The following SPECC1 variants were observed in gnomAD, a reference collection of about 807,000 sequenced individuals.
SPECC1 encodes the protein sperm antigen with calponin homology and coiled-coil domains 1.
In SPECC1, 62 loss-of-function variants were observed where a neutral mutation model predicts 104.1. The observed-to-expected ratio is 0.60, with a 90% CI of 0.49 to 0.74. SPECC1 has a LOEUF of 0.74. SPECC1 is among the 30% of genes least tolerant of loss of function. The pLI is 0.00. For synonymous variants in SPECC1, 513 were observed against 501.6 expected, an observed-to-expected ratio of 1.02 and a Z score of -0.30; for missense variants, 1,306 against 1,310.5, an observed-to-expected ratio of 1.00 and a Z score of 0.05.
At chr17:20,113,829 C>T (rs1229758956) in intron 3 of SPECC1, among the ~76,000 whole-genome samples, 2 of 152,226 alleles carry the variant, frequency 1.3e-5, no homozygotes, top group African/African-American at 2.4e-5. Context: ...ATACAATCAG[C>T]ACAAGCATAG....
At chr17:20,112,995 T>G in intron 3 of SPECC1, 1 of 983,698 alleles carries the variant, frequency 1.0e-6, no homozygotes, top group Non-Finnish European at 1.6e-6. Context: ...AGATGAGAAT[T>G]TTAGGGGCTG....
chr17:20,158,751 C>A (rs1165306535), intron 3 of SPECC1, among the ~76,000 whole-genome samples: 1 of 152,094 alleles, frequency 6.6e-6, no homozygotes, highest in African/African-American at 2.4e-5. Context: ...ATGGCAAGTT[C>A]GGTTTTTTTT....
chr17:20,081,347 C>T (rs2046966630), intron 1 of SPECC1, among the ~76,000 whole-genome samples: 1 of 152,120 alleles, frequency 6.6e-6, no homozygotes, highest in South Asian at 2.1e-4. Flanking sequence ...AGACAGTCCC[C>T]AGCTGTTTGT....
intron 3 of SPECC1, among the ~76,000 whole-genome samples, chr17:20,176,660 A>C (rs954488210): frequency 5.3e-5 from 8 of 152,116 alleles, no homozygotes; most frequent in Non-Finnish European, 1.2e-4. Context: ...TCTAGAGGCC[A>C]CAAGCATTCC....
chr17:20,180,161 T>C (rs1252521458), intron 3 of SPECC1, among the ~76,000 whole-genome samples: 1 of 152,028 alleles, frequency 6.6e-6, no homozygotes, highest in Non-Finnish European at 1.5e-5. Flanking sequence ...AGCACAGAGG[T>C]AAGCAGGCCA....
chr17:20,046,325 T>C (rs2045537470), intron 1 of SPECC1, among the ~76,000 whole-genome samples: 1 of 152,182 alleles, frequency 6.6e-6, no homozygotes, highest in South Asian at 2.1e-4. Flanking sequence ...AAATTATATC[T>C]AATTTTCTAT....
chr17:20,137,173 C>T (rs2030097993), intron 3 of SPECC1, among the ~76,000 whole-genome samples: 1 of 152,332 alleles, frequency 6.6e-6, no homozygotes, highest in African/African-American at 2.4e-5. Flanking sequence ...TCTATATATG[C>T]CCTCATGTTT....
Position 20,247,307 on chromosome 17 carries a change from C to G in SPECC1, c.2586C>G (p.Val862=). Residue 862 remains valine (V), a synonymous_variant, in exon 9 of 15, where the codon GTC becomes GTG. Transcript: ENST00000395527. ...TGAGGACTGCTCCAGCAGCTGCTGT[C>G]TCTCCAATGCAGGTAGATGAGCCCC... ...IPVRTAPAAA[V]SPMQRHSTYS... 1 of 1,612,934 alleles carries G rather than the reference C, an allele frequency of 6.2e-7. No homozygotes were observed. Among genetic ancestry groups the G allele is most frequent in the Non-Finnish European group, 8.5e-7 (1 of 1,179,200 alleles).
At chr17:20,261,475 C>G (rs967465540) in intron 12 of SPECC1, among the ~76,000 whole-genome samples, 4 of 138,586 alleles carry the variant, frequency 2.9e-5, no homozygotes, top group Non-Finnish European at 6.0e-5. Context: ...GCACTCCAGG[C>G]TGGGCGACAG....
At chr17:20,020,422 G>T (rs1249399388) in intron 1 of SPECC1, among the ~76,000 whole-genome samples, 1 of 149,702 alleles carries the variant, frequency 6.7e-6, no homozygotes, top group Non-Finnish European at 1.5e-5. Flanking sequence ...TGCAACCTCC[G>T]CCTCCTGGGT....
At chr17:20,190,209 T>C (rs1458806803) in intron 3 of SPECC1, among the ~76,000 whole-genome samples, 2 of 152,226 alleles carry the variant, frequency 1.3e-5, no homozygotes, top group East Asian at 1.9e-4. Flanking sequence ...ACTTCTGTTA[T>C]CTCATTTGTT....
At position 20,318,128 on chromosome 17, in the gene SPECC1, C is replaced by T. The variant is rs1477806099; in HGVS notation, c.*4063C>T. ...CCTCAGCCAGTAGTCATTTAAAATT[C>T]TTCAGTTGTTCTGAAGATCCTTTTT... On this transcript the variant is annotated 3_prime_UTR_variant, in exon 15 of 15. Coordinates refer to ENST00000395527, the MANE Select transcript of SPECC1 (RefSeq NM_001243439.2). The T allele has an allele frequency of 4.3e-6, 1 of 231,460 alleles. No homozygotes were observed. The allele number at this position is 231,460 out of a possible 1,614,324, so 14.3% of individuals were successfully genotyped here. A position where few individuals can be genotyped will look rare whatever the true frequency, so the allele number is the denominator to read the frequency against.
chr17:20,015,959 C>G lies in SPECC1; in HGVS notation c.-22+6535C>G, dbSNP rs1226518352. On this transcript the variant is annotated intron_variant, in intron 1 of 14. Coordinates refer to ENST00000395527, the MANE Select transcript of SPECC1 (RefSeq NM_001243439.2). Reference sequence around the variant, plus strand: ...GGGCGCAGTGGCTCACGTCTGTAATCCCAGCACTTTGGGAGGCCGAGGCGG... The same window carrying G: ...GGGCGCAGTGGCTCACGTCTGTAATGCCAGCACTTTGGGAGGCCGAGGCGG... Among the ~76,000 whole-genome samples, 4 of 149,600 alleles carry G rather than the reference C, an allele frequency of 2.7e-5. No individual in the cohort carries two copies. The East Asian group carries it at 8.0e-4, about 30-fold the overall frequency.
intron 13 of SPECC1, among the ~76,000 whole-genome samples, chr17:20,298,047 G>A (rs987884049): frequency 3.3e-5 from 5 of 152,154 alleles, no homozygotes; most frequent in African/African-American, 7.2e-5. Flanking sequence ...AGACTGCAGC[G>A]GTGATGTCAG....
intron 7 of SPECC1, chr17:20,237,011 G>T: frequency 6.4e-7 from 1 of 1,557,738 alleles, no homozygotes; most frequent in South Asian, 1.2e-5. Context: ...GTCTCCTTGT[G>T]ACATTCTCTG....
chr17:20,298,948 A>AGAGAGAGAGAGAGAGAGTGTGTGT, intron 13 of SPECC1, among the ~76,000 whole-genome samples: 2 of 49,070 alleles, frequency 4.1e-5, no homozygotes, highest in Non-Finnish European at 3.7e-5. Flanking sequence ...AGAGAGAGAG[A>AGAGAGAGAGAGAGAGAGTGTGTGT]GTGTGTGTGT....
At position 20,275,018 on chromosome 17, in the gene SPECC1, C is replaced by A. The variant is rs1170500782; in HGVS notation, c.2940+14724C>A. ...TACTCTATCAACTAAAGGAAGCTTG[C>A]ATCTGTTTTGAGCTTACCGGGGGAT... is the stretch of plus-strand genomic sequence containing the variant. On this transcript the variant is annotated intron_variant, in intron 12 of 14. Transcript: ENST00000395527. Among the ~76,000 whole-genome samples, 7 of 151,642 alleles carry A rather than the reference C, an allele frequency of 4.6e-5. No homozygotes were observed. In the East Asian group the frequency reaches 1.3e-3, roughly 29 times the overall value.
intron 7 of SPECC1, among the ~76,000 whole-genome samples, chr17:20,239,878 GTTTTTTT>G (rs60216339): frequency 1.1e-4 from 4 of 36,946 alleles, no homozygotes; most frequent in Admixed American, 1.0e-3. Flanking sequence ...ATTTCGCTGA[GTTTTTTT>G]TTTTTTTTTT....
intron 1 of SPECC1, among the ~76,000 whole-genome samples, chr17:20,088,341 T>C (rs1437545381): frequency 6.6e-6 from 1 of 152,176 alleles, no homozygotes; most frequent in Non-Finnish European, 1.5e-5. Context: ...AAAAGACTCC[T>C]GTGGCTGCTG....
Sources: gnomAD v4.1 joint callset for allele counts (sites outside exome capture counted in the v4.1 genomes callset) on GRCh38, gnomAD v4.1.1 for gene constraint, MANE v1.5 for transcripts, NCBI Gene and HGNC (gene_info 2026-07-23, HGNC 2026-07-21) for gene names.